Variants in PDS5B observed in about 807,000 individuals in gnomAD.
PDS5B encodes sister chromatid cohesion protein PDS5 homolog B.
Under a neutral mutation model 184.1 loss-of-function variants are expected in PDS5B, and 51 were observed. The ratio of observed to expected loss-of-function variants is 0.28; its 90% CI spans 0.22 to 0.35. The LOEUF is 0.35. PDS5B is among the 10% of genes least tolerant of loss of function. The pLI, the probability that PDS5B is intolerant of heterozygous loss-of-function variation, is 1.00. For synonymous variants in PDS5B, 566 were observed against 569.2 expected (o/e 0.99, Z 0.08); for missense variants, 1,180 against 1,723.3 (o/e 0.68, Z 5.58).
At chr13:32,645,873 C>T (rs1405888707) in intron 1 of PDS5B, among the ~76,000 whole-genome samples, 1 of 152,148 alleles carries the variant, frequency 6.6e-6, no homozygotes, top group Non-Finnish European at 1.5e-5. Flanking sequence ...ACATCACTGT[C>T]CTGACTTTTA....
At chr13:32,628,771 CTG>C (rs1051591926) in intron 1 of PDS5B, among the ~76,000 whole-genome samples, 3 of 132,184 alleles carry the variant, frequency 2.3e-5, no homozygotes, top group Non-Finnish European at 3.6e-5. Context: ...TTGGCTAACA[CTG>C]TTATATTTTT....
At chr13:32,748,155 A>G (rs2140987201) in intron 24 of PDS5B, among the ~76,000 whole-genome samples, 4 of 152,328 alleles carry the variant, frequency 2.6e-5, no homozygotes, top group African/African-American at 9.6e-5. Flanking sequence ...TATTTTAAGC[A>G]AAGCTTTTCT....
chr13:32,693,601 T>G (rs369125940), intron 13 of PDS5B, among the ~76,000 whole-genome samples: 1 of 151,090 alleles, frequency 6.6e-6, no homozygotes, highest in South Asian at 2.1e-4. Context: ...TCCTTAAAAA[T>G]TTTTAATTGT....
chr13:32,719,829 C>T (rs1952608995), intron 19 of PDS5B, among the ~76,000 whole-genome samples: 1 of 141,136 alleles, frequency 7.1e-6, no homozygotes, highest in African/African-American at 2.6e-5. Flanking sequence ...CACTCTGTCT[C>T]CCAGGCTGTA....
At chr13:32,690,778 A>G (rs1292247642) in intron 13 of PDS5B, 1 of 152,140 alleles carries the variant, frequency 6.6e-6, no homozygotes, top group Non-Finnish European at 1.5e-5. Flanking sequence ...GTAAATTCCA[A>G]TCTGGACCAG....
At chr13:32,640,896 A>G (rs1012302528) in intron 1 of PDS5B, among the ~76,000 whole-genome samples, 7 of 151,740 alleles carry the variant, frequency 4.6e-5, no homozygotes, top group African/African-American at 1.7e-4. Context: ...CTACTAAAAA[A>G]AATACAAAAA....
intron 31 of PDS5B, among the ~76,000 whole-genome samples, chr13:32,766,843 A>G (rs190374074): frequency 8.9e-4 from 136 of 152,308 alleles, no homozygotes; most frequent in Non-Finnish European, 1.5e-3. Flanking sequence ...TTTTCTTTTT[A>G]CCACCAACCT....
chr13:32,607,404 C>G (rs1309675425), intron 1 of PDS5B, among the ~76,000 whole-genome samples: 2 of 152,226 alleles, frequency 1.3e-5, no homozygotes, highest in Admixed American at 1.3e-4. Context: ...ATGTTGCTGC[C>G]TGATCCTTCC....
intron 1 of PDS5B, among the ~76,000 whole-genome samples, chr13:32,602,566 T>C (rs892426452): frequency 1.3e-5 from 2 of 152,336 alleles, no homozygotes; most frequent in East Asian, 3.9e-4. Flanking sequence ...TACATGTGCA[T>C]GTGTCTTTAT....
chr13:32,750,271 A>G (rs190611741), intron 24 of PDS5B, among the ~76,000 whole-genome samples: 1 of 152,194 alleles, frequency 6.6e-6, no homozygotes, highest in Non-Finnish European at 1.5e-5. Context: ...ATCCTGAATG[A>G]TTAGTCAGAG....
intron 19 of PDS5B, 104 bp from the exon 20 acceptor site, chr13:32,731,997 C>G: frequency 1.1e-6 from 1 of 941,048 alleles, no homozygotes; most frequent in Admixed American, 3.1e-5. Context: ...GTGACTTTTT[C>G]TGACCTTGTA....
intron 3 of PDS5B, among the ~76,000 whole-genome samples, chr13:32,653,276 G>A (rs1166773764): frequency 2.0e-5 from 3 of 152,032 alleles, no homozygotes; most frequent in East Asian, 3.8e-4. Flanking sequence ...CCAACACAGC[G>A]AGAGTCTCAG....
chr13:32,605,264 G>A (rs981726843), intron 1 of PDS5B, among the ~76,000 whole-genome samples: 10 of 152,152 alleles, frequency 6.6e-5, no homozygotes, highest in African/African-American at 1.9e-4. Flanking sequence ...ATTCTGGTAT[G>A]TTGTGTCTTT....
intron 22 of PDS5B, among the ~76,000 whole-genome samples, chr13:32,741,510 G>C (rs2140972837): frequency 6.6e-6 from 1 of 152,054 alleles, no homozygotes; most frequent in East Asian, 1.9e-4. Flanking sequence ...AAAAAATTCA[G>C]CCTATAATTT....
At chr13:32,754,110 G>C (rs1198667583) in intron 25 of PDS5B, among the ~76,000 whole-genome samples, 4 of 152,058 alleles carry the variant, frequency 2.6e-5, no homozygotes, top group Non-Finnish European at 5.9e-5. Context: ...CAAATGTCTT[G>C]AACATTTATC....
Position 32,775,390 on chromosome 13 carries a change from C to T in PDS5B, c.*338C>T, listed in dbSNP as rs1043222174. On this transcript the variant is annotated 3_prime_UTR_variant, in exon 35 of 35. Coordinates refer to ENST00000315596, the MANE Select transcript of PDS5B (RefSeq NM_015032.4). ...TCTGCGGCTTTAAACTGACAGTACC[C>T]GACTGTTTATTGGATCTATTGATTT... is the stretch of plus-strand genomic sequence containing the variant. The T allele has an allele frequency of 1.8e-5, 6 of 328,696 alleles. No homozygotes were observed. The highest frequency in any genetic ancestry group is 4.6e-5 in the Admixed American group (1 of 21,866). The allele number at this position is 328,696 out of a possible 1,614,324, so 20.4% of individuals were successfully genotyped here. A position where few individuals can be genotyped will look rare whatever the true frequency, so the allele number is the denominator to read the frequency against.
At chr13:32,729,755 G>A (rs1377747259) in intron 19 of PDS5B, among the ~76,000 whole-genome samples, 1 of 152,138 alleles carries the variant, frequency 6.6e-6, no homozygotes, top group Non-Finnish European at 1.5e-5. Flanking sequence ...CTTTTGAGAA[G>A]TGTCTGTTCA....
rs781482894 is a variant in PDS5B at position 32,706,749 on chromosome 13, T to C, written c.1857-185T>C. On this transcript the variant is annotated intron_variant, in intron 17 of 34. Coordinates refer to ENST00000315596, the MANE Select transcript of PDS5B (RefSeq NM_015032.4). ...TTGAATGGGCAAGGGAAAAGAATTG[T>C]TTTTGAAAAGAAGCATCTGAAAATA... Among the ~76,000 whole-genome samples the C allele has an allele frequency of 1.6e-4, 24 of 152,226 alleles. 1 individual carries two copies. The highest frequency in any genetic ancestry group is 7.3e-5 in the Non-Finnish European group (5 of 68,040).
intron 1 of PDS5B, among the ~76,000 whole-genome samples, chr13:32,601,861 A>G (rs1023607246): frequency 5.3e-5 from 8 of 152,258 alleles, no homozygotes; most frequent in Admixed American, 5.2e-4. Flanking sequence ...TGGCACATAC[A>G]TCTTTTAATA....
Sources: gnomAD v4.1 joint callset for allele counts (sites outside exome capture counted in the v4.1 genomes callset) on GRCh38, gnomAD v4.1.1 for gene constraint, MANE v1.5 for transcripts, NCBI Gene and HGNC (gene_info 2026-07-23, HGNC 2026-07-21) for gene names.